PARM1: variants seen among roughly 807,000 people sequenced by gnomAD.
PARM1 encodes the protein prostate androgen-regulated mucin-like protein 1.
In PARM1, 14 loss-of-function variants were observed where a neutral mutation model predicts 24.6. The ratio of observed to expected loss-of-function variants is 0.57; its 90% confidence interval spans 0.38 to 0.89. The LOEUF (loss-of-function observed/expected upper bound fraction) is 0.89. PARM1 is among the 40% of genes least tolerant of loss of function. The probability of loss-of-function intolerance (pLI) is 0.00; values close to 1 mark genes in which losing one functional copy is unlikely to be tolerated. For synonymous variants in PARM1, 179 were observed against 156.6 expected (o/e 1.14, Z -1.07); for missense variants, 362 against 380.4 (o/e 0.95, Z 0.40).
chr4:75,049,829 C>T lies in PARM1; in HGVS notation c.*3582C>T, dbSNP rs1246246384. ...CAATTGGGCCAGATGCTAATTTGCACGTTGATTCACCTTCTTTGCCTTTAA... is the reference window on the plus strand; with the variant it reads ...CAATTGGGCCAGATGCTAATTTGCATGTTGATTCACCTTCTTTGCCTTTAA... On this transcript the variant is annotated 3_prime_UTR_variant, in exon 4 of 4. Transcript: ENST00000307428. 3.3e-5 allele frequency: 5 copies of T among 149,854 alleles called. No homozygotes were observed. Among genetic ancestry groups the T allele is most frequent in the South Asian group, 2.1e-4 (1 of 4,766 alleles). The allele number at this position is 149,854 out of a possible 1,614,324, so 9.3% of individuals were successfully genotyped here. A position where few individuals can be genotyped will look rare whatever the true frequency, so the allele number is the denominator to read the frequency against.
Position 74,933,251 on chromosome 4 carries a change from C to A in PARM1, c.-77C>A. ...AGCCCACCCGGCAGAGGAGTCGCTA[C>A]CAGCGCCCAGTGCGCTCTGTCAGTC... On this transcript the variant is annotated 5_prime_UTR_variant, in exon 1 of 4. Transcript: ENST00000307428. 1 of 1,332,050 alleles carries A rather than the reference C, an allele frequency of 7.5e-7. No homozygotes were observed. The highest frequency in any genetic ancestry group is 1.1e-6 in the Non-Finnish European group (1 of 932,332). The allele number at this position is 1,332,050 out of a possible 1,614,324, so 82.5% of individuals were successfully genotyped here.
chr4:74,938,926 A>G (rs920806172), intron 1 of PARM1, among the ~76,000 whole-genome samples: 1 of 152,190 alleles, frequency 6.6e-6, no homozygotes, highest in Non-Finnish European at 1.5e-5. Context: ...TCAATTGAAA[A>G]TAGTCTTAAT....
intron 1 of PARM1, chr4:74,967,264 ATTTG>A (rs1455845200): frequency 6.6e-6 from 1 of 152,148 alleles, no homozygotes; most frequent in African/African-American, 2.4e-5. Context: ...GTACGGTTTT[ATTTG>A]TTTGTTTGTT....
intron 1 of PARM1, among the ~76,000 whole-genome samples, chr4:74,964,553 G>GCACACACA (rs35380033): frequency 0.013 from 1,810 of 143,370 alleles, 30 homozygotes; most frequent in African/African-American, 0.045. Context: ...ACCTGGCAAA[G>GCACACACA]CACACACACA....
intron 1 of PARM1, among the ~76,000 whole-genome samples, chr4:74,994,799 T>TATAAATAAATAA (rs3062355): frequency 0.034 from 4,924 of 145,108 alleles, 102 homozygotes; most frequent in Middle Eastern, 0.052. Flanking sequence ...TCTCAAAAAA[T>TATAAATAAATAA]ATAAATAAAT....
chr4:75,036,822 C>T (rs1723381531), intron 3 of PARM1, among the ~76,000 whole-genome samples: 1 of 152,128 alleles, frequency 6.6e-6, no homozygotes, highest in South Asian at 2.1e-4. Flanking sequence ...GCTTCTGTCT[C>T]CTAAATGTAG....
At chr4:75,022,993 T>G (rs1487958565) in intron 2 of PARM1, among the ~76,000 whole-genome samples, 2 of 152,206 alleles carry the variant, frequency 1.3e-5, no homozygotes, top group East Asian at 3.8e-4. Flanking sequence ...AGATGATATT[T>G]TATTTAACAG....
chr4:74,986,340 A>G (rs1221886544), intron 1 of PARM1, among the ~76,000 whole-genome samples: 10 of 152,232 alleles, frequency 6.6e-5, no homozygotes, highest in Admixed American at 3.3e-4. Flanking sequence ...CTGCCTAATT[A>G]TACTCAAAGT....
At chr4:74,963,744 G>A (rs79909902) in intron 1 of PARM1, among the ~76,000 whole-genome samples, 4,432 of 152,180 alleles carry the variant, frequency 0.029, 208 homozygotes, top group African/African-American at 0.1. Context: ...ATGGTTGAAC[G>A]ACATTGTGAA....
At chr4:74,999,093 T>C (rs746080205) in intron 1 of PARM1, 3 of 152,248 alleles carry the variant, frequency 2.0e-5, no homozygotes, top group Non-Finnish European at 2.9e-5. Context: ...GATGGAGACT[T>C]CAGAGATCCA....
intron 3 of PARM1, among the ~76,000 whole-genome samples, chr4:75,044,028 C>T (rs1723550635): frequency 7.1e-6 from 1 of 140,356 alleles, no homozygotes; most frequent in African/African-American, 2.7e-5. Flanking sequence ...ACGAGCACAG[C>T]AAAGGTCTAG....
rs1419276574 is a variant in PARM1 at position 75,046,552 on chromosome 4, G to A, written c.*305G>A. ...CCACTGCAGGACCCACTTTGAGAAG[G>A]ACCGAGGAGGAGGATTTGGGTTGTT... On this transcript the variant is annotated 3_prime_UTR_variant, in exon 4 of 4. Transcript: ENST00000307428. 4.2e-6 allele frequency: 1 copy of A among 239,480 alleles called. No individual in the cohort carries two copies. Among genetic ancestry groups the A allele is most frequent in the African/African-American group, 2.2e-5 (1 of 44,932 alleles). 14.8% of individuals were successfully genotyped at this position (239,480 alleles called of 1,614,324 possible).
At chr4:74,969,346 C>A (rs143691615) in intron 1 of PARM1, 1 of 152,330 alleles carries the variant, frequency 6.6e-6, no homozygotes, top group African/African-American at 2.4e-5. Context: ...TCTATTTTAA[C>A]ATGTAAGAAG....
intron 1 of PARM1, among the ~76,000 whole-genome samples, chr4:74,941,541 T>C (rs1252833961): frequency 3.3e-5 from 5 of 152,224 alleles, no homozygotes; most frequent in African/African-American, 1.2e-4. Context: ...CTGCTAGATA[T>C]GAAAAATTCA....
intron 3 of PARM1, among the ~76,000 whole-genome samples, chr4:75,034,530 GA>G: frequency 6.6e-6 from 1 of 152,284 alleles, no homozygotes; most frequent in South Asian, 2.1e-4. Context: ...CCTATGAAAT[GA>G]AGTGATAGTA....
chr4:74,980,128 G>A (rs772978662), intron 1 of PARM1, among the ~76,000 whole-genome samples: 13 of 152,078 alleles, frequency 8.5e-5, no homozygotes, highest in Admixed American at 2.0e-4. Context: ...GCAATCAGGC[G>A]AGAGAAAGAA....
intron 1 of PARM1, among the ~76,000 whole-genome samples, chr4:74,996,154 C>T (rs1263322897): frequency 1.3e-5 from 2 of 152,152 alleles, no homozygotes; most frequent in African/African-American, 2.4e-5. Context: ...CCGTGACACA[C>T]ATCTGTTGTA....
intron 1 of PARM1, chr4:74,969,344 A>G (rs1321459827): frequency 1.3e-5 from 2 of 152,216 alleles, no homozygotes; most frequent in African/African-American, 2.4e-5. Flanking sequence ...TTTCTATTTT[A>G]ACATGTAAGA....
At chr4:75,020,770 T>A (rs1723075555) in intron 2 of PARM1, among the ~76,000 whole-genome samples, 1 of 152,140 alleles carries the variant, frequency 6.6e-6, no homozygotes, top group South Asian at 2.1e-4. Context: ...CCCTCTTGAC[T>A]TAGGGCCTTG....
Sources: gnomAD v4.1 joint callset for allele counts (sites outside exome capture counted in the v4.1 genomes callset) on GRCh38, gnomAD v4.1.1 for gene constraint, MANE v1.5 for transcripts, NCBI Gene and HGNC (gene_info 2026-07-23, HGNC 2026-07-21) for gene names.